AP3B1: variants seen among roughly 807,000 people sequenced by gnomAD.
AP3B1 encodes the protein AP-3 complex subunit beta-1.
A neutral mutation model predicts 132.5 loss-of-function variants in AP3B1; 61 were observed. That is an observed-to-expected ratio of 0.46 (90% CI 0.37 to 0.57). The LOEUF is 0.57. AP3B1 is among the 20% of genes least tolerant of loss of function. AP3B1 has a pLI of 0.00. For synonymous variants in AP3B1, 388 were observed against 438.3 expected (o/e 0.89, Z 1.43); for missense variants, 1,120 against 1,289.4 (o/e 0.87, Z 2.01).
At chr5:78,233,336 C>T (rs1204496149) in intron 3 of AP3B1, among the ~76,000 whole-genome samples, 1 of 151,406 alleles carries the variant, frequency 6.6e-6, no homozygotes, top group Non-Finnish European at 1.5e-5. Flanking sequence ...TGGGTTCAAG[C>T]GATTGTCCTG....
rs538570213 is a variant in AP3B1, at chr5:78,002,420, G to A, written c.*482C>T. Reference sequence around the variant, plus strand: ...CAATTACAATATCAAGAAATTCAAAGAACAAAATCTTGCAGAGACTATGCT... The same window carrying A: ...CAATTACAATATCAAGAAATTCAAAAAACAAAATCTTGCAGAGACTATGCT... On this transcript the variant is annotated 3_prime_UTR_variant, in exon 27 of 27. Transcript: ENST00000255194. The A allele has an allele frequency of 2.7e-4, 109 of 399,998 alleles. No homozygotes were observed. Among genetic ancestry groups the A allele is most frequent in the Non-Finnish European group, 4.5e-4 (103 of 227,180 alleles). The allele number at this position is 399,998 out of a possible 1,614,324, so 24.8% of individuals were successfully genotyped here.
At chr5:78,006,676 C>T (rs189551159) in intron 26 of AP3B1, among the ~76,000 whole-genome samples, 6 of 152,208 alleles carry the variant, frequency 3.9e-5, no homozygotes, top group Admixed American at 2.0e-4. Flanking sequence ...CAAATAAGTG[C>T]GATGACAGTT....
At chr5:78,263,510 T>C (rs1448729558) in intron 2 of AP3B1, among the ~76,000 whole-genome samples, 2 of 152,254 alleles carry the variant, frequency 1.3e-5, no homozygotes, top group Non-Finnish European at 2.9e-5. Context: ...ATGATTGTTC[T>C]GGCTAAAATT....
intron 1 of AP3B1, among the ~76,000 whole-genome samples, chr5:78,281,323 A>T (rs1327623226): frequency 6.6e-6 from 1 of 151,470 alleles, no homozygotes; most frequent in Non-Finnish European, 1.5e-5. Context: ...AATCCCAGCC[A>T]CTCAAGAAGC....
At chr5:78,045,380 CAAAA>C (rs71608139) in intron 22 of AP3B1, among the ~76,000 whole-genome samples, 2 of 63,910 alleles carry the variant, frequency 3.1e-5, no homozygotes, top group Non-Finnish European at 6.5e-5. Flanking sequence ...GGCTCTGTCT[CAAAA>C]AAAAAAAAAA....
intron 13 of AP3B1, among the ~76,000 whole-genome samples, chr5:78,158,041 G>T (rs1694593253): frequency 6.6e-6 from 1 of 152,184 alleles, no homozygotes; most frequent in Non-Finnish European, 1.5e-5. Context: ...GAGCCACCAT[G>T]CCCGGCCTAC....
intron 7 of AP3B1, among the ~76,000 whole-genome samples, chr5:78,186,925 C>T (rs1198098573): frequency 6.6e-6 from 1 of 152,084 alleles, no homozygotes; most frequent in Non-Finnish European, 1.5e-5. Context: ...ATAATATTAG[C>T]TCAGTGCTTT....
At chr5:78,148,794 A>G (rs563155674) in intron 14 of AP3B1, among the ~76,000 whole-genome samples, 2 of 152,286 alleles carry the variant, frequency 1.3e-5, no homozygotes, top group African/African-American at 4.8e-5. Flanking sequence ...AGTCACCTAT[A>G]TATCTCTCTT....
intron 21 of AP3B1, among the ~76,000 whole-genome samples, chr5:78,097,840 G>A (rs1312629506): frequency 3.3e-5 from 5 of 152,232 alleles, no homozygotes; most frequent in Non-Finnish European, 7.3e-5. Flanking sequence ...ATAGAAAGCG[G>A]GGAAAGGTGG....
chr5:78,161,597 A>C (rs936545483), intron 13 of AP3B1, among the ~76,000 whole-genome samples: 2 of 152,014 alleles, frequency 1.3e-5, no homozygotes, highest in Non-Finnish European at 2.9e-5. Flanking sequence ...AGAAAGAGAT[A>C]GAATGGATGA....
At chr5:78,252,488 T>A (rs1478244442) in intron 2 of AP3B1, among the ~76,000 whole-genome samples, 1 of 151,920 alleles carries the variant, frequency 6.6e-6, no homozygotes, top group East Asian at 1.9e-4. Flanking sequence ...CCAAGCAGCA[T>A]TCATGAAAAG....
chr5:78,154,129 G>T (rs1009468584), intron 14 of AP3B1, among the ~76,000 whole-genome samples: 10 of 152,142 alleles, frequency 6.6e-5, no homozygotes, highest in Non-Finnish European at 1.2e-4. Flanking sequence ...TACAAGAAAA[G>T]ACAGGTCTGT....
chr5:78,064,910 G>A (rs1161406382), intron 22 of AP3B1, among the ~76,000 whole-genome samples: 3 of 152,160 alleles, frequency 2.0e-5, no homozygotes, highest in East Asian at 3.9e-4. Flanking sequence ...CAGTGGGGAG[G>A]GGCCAAGATG....
chr5:78,031,667 G>A (rs548600532), intron 24 of AP3B1, among the ~76,000 whole-genome samples: 18 of 152,298 alleles, frequency 1.2e-4, no homozygotes, highest in African/African-American at 4.1e-4. Context: ...TGCTGTGCTT[G>A]ATGTTCTGCC....
chr5:78,144,758 T>C (rs934694917), intron 14 of AP3B1, among the ~76,000 whole-genome samples: 2 of 152,228 alleles, frequency 1.3e-5, no homozygotes, highest in Admixed American at 6.5e-5. Flanking sequence ...TGTTAAGATA[T>C]GAAATCCCAT....
At chr5:78,089,158 AC>A (rs1750404138) in intron 22 of AP3B1, 1 of 448,984 alleles carries the variant, frequency 2.2e-6, no homozygotes. Context: ...ATATAACAAT[AC>A]CAGAGAAAAA....
At chr5:78,191,601 G>A (rs978132134) in intron 7 of AP3B1, among the ~76,000 whole-genome samples, 6 of 152,104 alleles carry the variant, frequency 3.9e-5, no homozygotes, top group African/African-American at 1.4e-4. Context: ...CATAATTGAG[G>A]TGATAAGTGA....
chr5:78,237,060 T>C (rs1746908272), intron 3 of AP3B1, among the ~76,000 whole-genome samples: 1 of 152,246 alleles, frequency 6.6e-6, no homozygotes, highest in Non-Finnish European at 1.5e-5. Context: ...ACTAATTTAA[T>C]CTAATTCATA....
At chr5:78,008,275 G>A (rs1224388620) in intron 26 of AP3B1, among the ~76,000 whole-genome samples, 1 of 152,114 alleles carries the variant, frequency 6.6e-6, no homozygotes, top group African/African-American at 2.4e-5. Flanking sequence ...CAAACCAGAA[G>A]GAAAAGCATC....
Sources: gnomAD v4.1 joint callset for allele counts (sites outside exome capture counted in the v4.1 genomes callset) on GRCh38, gnomAD v4.1.1 for gene constraint, MANE v1.5 for transcripts, NCBI Gene and HGNC (gene_info 2026-07-23, HGNC 2026-07-21) for gene names.